Variants in ARID5B observed in about 807,000 individuals in gnomAD.
ARID5B encodes the protein AT-rich interaction domain 5B.
A neutral mutation model predicts 97.2 loss-of-function variants in ARID5B; 13 were observed. The ratio of observed to expected loss-of-function variants is 0.13; its 90% CI spans 0.09 to 0.21. ARID5B has a LOEUF of 0.21. Ranked by LOEUF, ARID5B falls within the 10% of genes least tolerant of loss-of-function variation. ARID5B has a pLI of 1.00. For synonymous variants in ARID5B, 556 were observed against 570.3 expected (o/e 0.97, Z 0.36); for missense variants, 1,210 against 1,465.3 (o/e 0.83, Z 2.84).
At chr10:62,089,529 T>A (rs1840338943) in intron 9 of ARID5B, among the ~76,000 whole-genome samples, 1 of 5,658 alleles carries the variant, frequency 1.8e-4, no homozygotes, top group African/African-American at 1.2e-3. Flanking sequence ...CTTCTTTTTC[T>A]TTTTTTTTTT....
chr10:61,985,244 G>A (rs1838831167), intron 3 of ARID5B, among the ~76,000 whole-genome samples: 2 of 151,214 alleles, frequency 1.3e-5, no homozygotes, highest in Admixed American at 1.3e-4. Flanking sequence ...TGCGGTTTTT[G>A]CAATCCTGTT....
At chr10:61,990,853 C>A (rs1044321000) in intron 3 of ARID5B, among the ~76,000 whole-genome samples, 2 of 152,154 alleles carry the variant, frequency 1.3e-5, no homozygotes, top group African/African-American at 4.8e-5. Context: ...CTATCTATTT[C>A]TAGAACTTTT....
rs1840457034 is a variant in ARID5B, at chr10:62,095,523, C to A, written c.*2493C>A. 4.3e-6 allele frequency: 1 copy of A among 233,462 alleles called. No homozygotes were observed. The highest frequency in any genetic ancestry group is 8.5e-6 in the Non-Finnish European group (1 of 117,980). The allele number at this position is 233,462 out of a possible 1,614,324, so 14.5% of individuals were successfully genotyped here. On this transcript the variant is annotated 3_prime_UTR_variant, in exon 10 of 10. Coordinates refer to ENST00000279873, the MANE Select transcript of ARID5B (RefSeq NM_032199.3). ...TTCAAACAATGTTAACATAGTCCAG[C>A]TTTTGTTTTTCTCATCTCTTCTGAG...
intron 2 of ARID5B, among the ~76,000 whole-genome samples, chr10:61,915,696 AG>A (rs1843889413): frequency 6.6e-6 from 1 of 152,192 alleles, no homozygotes; most frequent in Non-Finnish European, 1.5e-5. Context: ...CGGCAAGCTA[AG>A]GCAAACTAAG....
intron 3 of ARID5B, among the ~76,000 whole-genome samples, chr10:61,947,568 C>T (rs974368158): frequency 6.6e-6 from 1 of 152,066 alleles, no homozygotes; most frequent in Non-Finnish European, 1.5e-5. Context: ...CTGTGTCCAA[C>T]CCAGTATGTT....
Position 62,059,258 on chromosome 10 carries a change from T to C in ARID5B, c.1064T>C (p.Met355Thr). The change falls in exon 7 of 10, where the codon ATG (methionine) becomes ACG (threonine). Residue 355 changes from methionine (M) to threonine (T), a missense_variant. Met to Thr is a moderately conservative substitution (Grantham distance 81). Transcript: ENST00000279873. ...CCTCTAACAGTTAACCTTTGGACTA[T>C]GTTTCAAGCTGCTCAAAAACTGGGA... is the stretch of plus-strand genomic sequence containing the variant. ...LGFKQINLWTMFQAAQKLGGY... is the reference protein window; with the variant it reads ...LGFKQINLWTTFQAAQKLGGY... 6.2e-7 allele frequency: 1 copy of C among 1,612,014 alleles called. No homozygotes were observed.
At chr10:62,049,591 T>C in intron 4 of ARID5B, 1 of 1,449,088 alleles carries the variant, frequency 6.9e-7, no homozygotes, top group Middle Eastern at 1.7e-4. Flanking sequence ...TTTAGGGGAA[T>C]GAGAGGAGAG....
At chr10:61,978,902 A>T (rs1027425943) in intron 3 of ARID5B, among the ~76,000 whole-genome samples, 3 of 152,208 alleles carry the variant, frequency 2.0e-5, no homozygotes, top group Non-Finnish European at 4.4e-5. Flanking sequence ...ACTATGTTGA[A>T]TAGGAGTGGT....
intron 4 of ARID5B, among the ~76,000 whole-genome samples, chr10:62,046,078 A>G (rs1489893972): frequency 6.6e-6 from 1 of 152,242 alleles, no homozygotes; most frequent in Non-Finnish European, 1.5e-5. Flanking sequence ...GAGAATATGT[A>G]GCTGTGTTGG....
At chr10:61,926,173 G>A (rs1168940196) in intron 2 of ARID5B, among the ~76,000 whole-genome samples, 1 of 152,164 alleles carries the variant, frequency 6.6e-6, no homozygotes, top group African/African-American at 2.4e-5. Flanking sequence ...CACATGAGTG[G>A]TGATTTCTGC....
intron 4 of ARID5B, among the ~76,000 whole-genome samples, chr10:62,030,137 T>C (rs891739926): frequency 1.3e-4 from 20 of 151,928 alleles, no homozygotes; most frequent in Admixed American, 3.3e-4. Context: ...TCTTTTTCTT[T>C]TTTTTTTTGA....
At chr10:61,906,338 A>G (rs1023358623) in intron 2 of ARID5B, among the ~76,000 whole-genome samples, 1 of 152,234 alleles carries the variant, frequency 6.6e-6, no homozygotes, top group Non-Finnish European at 1.5e-5. Context: ...TTTAGTAATT[A>G]CTTAGAATTG....
chr10:61,933,438 A>C (rs1028924720), intron 2 of ARID5B, among the ~76,000 whole-genome samples: 1 of 152,232 alleles, frequency 6.6e-6, no homozygotes, highest in African/African-American at 2.4e-5. Context: ...GCTTTCTAGA[A>C]GGTTTTCCGT....
intron 3 of ARID5B, among the ~76,000 whole-genome samples, chr10:61,948,918 G>T (rs1838280638): frequency 6.6e-6 from 1 of 152,164 alleles, no homozygotes; most frequent in Non-Finnish European, 1.5e-5. Flanking sequence ...AAAATATTCT[G>T]CCACTACACT....
chr10:61,983,612 A>C (rs1225249959), intron 3 of ARID5B, among the ~76,000 whole-genome samples: 1 of 152,188 alleles, frequency 6.6e-6, no homozygotes, highest in Non-Finnish European at 1.5e-5. Context: ...TGAGGAAAAA[A>C]AAATCACATC....
chr10:61,984,144 G>A (rs1838815749), intron 3 of ARID5B, among the ~76,000 whole-genome samples: 1 of 152,146 alleles, frequency 6.6e-6, no homozygotes, highest in Admixed American at 6.5e-5. Flanking sequence ...TCAAAGTGCT[G>A]AGCTCTGGGA....
intron 8 of ARID5B, among the ~76,000 whole-genome samples, chr10:62,080,040 GTCTTTCACACAGAC>G (rs1174127038): frequency 6.6e-6 from 1 of 152,176 alleles, no homozygotes; most frequent in Non-Finnish European, 1.5e-5. Flanking sequence ...GGCAAACTGA[GTCTTTCACACAGAC>G]TCTGTGTTGC....
chr10:61,980,719 T>C (rs1302279864), intron 3 of ARID5B, among the ~76,000 whole-genome samples: 2 of 152,190 alleles, frequency 1.3e-5, no homozygotes, highest in African/African-American at 4.8e-5. Flanking sequence ...CTGCCTCCAC[T>C]TGGCTGGTAG....
At chr10:62,057,468 G>GA in intron 6 of ARID5B, 150 bp downstream of exon 6, 1 of 851,118 alleles carries the variant, frequency 1.2e-6, no homozygotes, top group Non-Finnish European at 1.8e-6. Context: ...TCCAGGCCAA[G>GA]AATTTTTTCC....
Sources: gnomAD v4.1 joint callset for allele counts (sites outside exome capture counted in the v4.1 genomes callset) on GRCh38, gnomAD v4.1.1 for gene constraint, MANE v1.5 for transcripts, NCBI Gene and HGNC (gene_info 2026-07-23, HGNC 2026-07-21) for gene names.